The following ACADL variants were observed in gnomAD, a reference collection of about 807,000 sequenced individuals.
The protein encoded by ACADL is acyl-CoA dehydrogenase long chain, also known as long-chain specific acyl-CoA dehydrogenase, mitochondrial.
A neutral mutation model predicts 56.9 loss-of-function variants in ACADL; 60 were observed. The ratio of observed to expected loss-of-function variants is 1.05; its 90% confidence interval spans 0.86 to 1.31. The LOEUF (loss-of-function observed/expected upper bound fraction) is 1.31. Among genes scored for constraint, ACADL ranks in the 50% most tolerant of loss-of-function variants. The probability of loss-of-function intolerance (pLI) is 0.00; values close to 1 mark genes in which losing one functional copy is unlikely to be tolerated. For missense variants in ACADL, 484 were observed against 525.5 expected, an observed-to-expected ratio of 0.92 and a Z score of 0.77; for synonymous variants, 158 against 179.7, an observed-to-expected ratio of 0.88 and a Z score of 0.97.
chr2:210,215,698 A>T (rs1689074630), intron 4 of ACADL, among the ~76,000 whole-genome samples: 1 of 152,132 alleles, frequency 6.6e-6, no homozygotes, highest in African/African-American at 2.4e-5. Context: ...TAGCATTCAC[A>T]TCTAAATTCG....
intron 5 of ACADL, among the ~76,000 whole-genome samples, chr2:210,208,209 A>C (rs907727075): frequency 1.3e-5 from 2 of 152,260 alleles, no homozygotes; most frequent in African/African-American, 2.4e-5. Context: ...TACAGATAAT[A>C]AATAAACAAT....
chr2:210,223,171 A>G (rs1234590178), intron 1 of ACADL, among the ~76,000 whole-genome samples: 1 of 152,232 alleles, frequency 6.6e-6, no homozygotes, highest in Non-Finnish European at 1.5e-5. Flanking sequence ...AAAGACTTTC[A>G]GGTCAGTCAA....
Position 210,225,353 on chromosome 2 carries a change from G to C in ACADL, c.-90C>G. The C allele has an allele frequency of 1.4e-6, 2 of 1,405,900 alleles. No individual in the cohort carries two copies. The highest frequency in any genetic ancestry group is 1.9e-6 in the Non-Finnish European group (2 of 1,037,842). The allele number at this position is 1,405,900 out of a possible 1,614,324, so 87.1% of individuals were successfully genotyped here. Reference sequence around the variant, plus strand: ...GGGTCCCCGGGAGGGAGGACGATCAGCTGAGGCGTCCACCTGTGGTGTCCT... The same window carrying C: ...GGGTCCCCGGGAGGGAGGACGATCACCTGAGGCGTCCACCTGTGGTGTCCT... On this transcript the variant is annotated 5_prime_UTR_variant, in exon 1 of 11. Coordinates refer to ENST00000233710, the MANE Select transcript of ACADL (RefSeq NM_001608.4).
chr2:210,190,005 C>T (rs367985426), intron 10 of ACADL, among the ~76,000 whole-genome samples: 9 of 152,152 alleles, frequency 5.9e-5, no homozygotes, highest in African/African-American at 1.7e-4. Context: ...TTTGGACTTT[C>T]CTGGTAGACA....
chr2:210,204,867 T>C (rs1688858384), intron 6 of ACADL, among the ~76,000 whole-genome samples, 185 bp from the exon 7 acceptor site: 1 of 152,216 alleles, frequency 6.6e-6, no homozygotes, highest in African/African-American at 2.4e-5. Context: ...GCCATCTGAT[T>C]CTAAACCTTG....
intron 10 of ACADL, among the ~76,000 whole-genome samples, 165 bp downstream of exon 10, chr2:210,192,638 TA>T (rs202025002): frequency 2.6e-5 from 4 of 151,536 alleles, no homozygotes; most frequent in Middle Eastern, 3.4e-3. Flanking sequence ...AGGGAGTTGA[TA>T]AAAAAAAAGC....
At position 210,188,746 on chromosome 2, in the gene ACADL, CTG is replaced by C. The variant is rs989887263; in HGVS notation, c.*213_*214del. ...CGTTTACCTTTGGCTACATAAAAAA[CTG>C]TAAGTTAAACCTTATATTGGAAAAC... On this transcript the variant is annotated 3_prime_UTR_variant, in exon 11 of 11. Coordinates refer to ENST00000233710, the MANE Select transcript of ACADL (RefSeq NM_001608.4). 38 of 472,458 alleles carry C rather than the reference CTG, an allele frequency of 8.0e-5. No homozygotes were observed. The highest frequency in any genetic ancestry group is 1.4e-4 in the Non-Finnish European group (37 of 263,622). The allele number at this position is 472,458 out of a possible 1,614,324, so 29.3% of individuals were successfully genotyped here.
At chr2:210,199,917 G>C (rs980795053) in intron 8 of ACADL, among the ~76,000 whole-genome samples, 1 of 151,910 alleles carries the variant, frequency 6.6e-6, no homozygotes, top group African/African-American at 2.4e-5. Flanking sequence ...GCTAATTTTT[G>C]TATTTTTTGT....
chr2:210,221,246 A>G (rs1254120981), intron 1 of ACADL, among the ~76,000 whole-genome samples: 1 of 152,228 alleles, frequency 6.6e-6, no homozygotes, highest in African/African-American at 2.4e-5. Flanking sequence ...CACAATTTCA[A>G]ATTGCAGGTG....
At chr2:210,199,919 A>AT (rs1438258287) in intron 8 of ACADL, among the ~76,000 whole-genome samples, 1 of 151,896 alleles carries the variant, frequency 6.6e-6, no homozygotes, top group African/African-American at 2.4e-5. Flanking sequence ...TAATTTTTGT[A>AT]TTTTTTGTAG....
At chr2:210,199,300 A>G (rs1453907638) in intron 8 of ACADL, among the ~76,000 whole-genome samples, 3 of 152,160 alleles carry the variant, frequency 2.0e-5, no homozygotes, top group Admixed American at 2.0e-4. Flanking sequence ...CAGAACATAT[A>G]AACTTACTTG....
intron 1 of ACADL, chr2:210,224,895 T>G: frequency 1.6e-6 from 2 of 1,229,780 alleles, no homozygotes; most frequent in East Asian, 4.6e-5. Context: ...ACGGGTTGGA[T>G]TGGGGCTCCG....
chr2:210,204,755 G>C, intron 6 of ACADL, 73 bp from the exon 7 acceptor site: 1 of 1,230,172 alleles, frequency 8.1e-7, no homozygotes, highest in Non-Finnish European at 1.2e-6. Flanking sequence ...ATATTGAAGT[G>C]AATATTATTT....
chr2:210,204,287 T>C (rs1509568), intron 7 of ACADL, among the ~76,000 whole-genome samples: 125,521 of 152,192 alleles, frequency 0.82, 53,304 homozygotes, highest in East Asian at 0.99. Context: ...GCTAAAAGTT[T>C]TTGAATTGTA....
At position 210,224,147 on chromosome 2, in the gene ACADL, G is replaced by A. The variant is rs181251669; in HGVS notation, c.77+1040C>T. Among the ~76,000 whole-genome samples, 143 of 151,106 alleles carry A rather than the reference G, an allele frequency of 9.5e-4. 1 individual carries two copies. Among genetic ancestry groups the A allele is most frequent in the Non-Finnish European group, 2.7e-4 (18 of 67,758 alleles). On this transcript the variant is annotated intron_variant, in intron 1 of 10. Transcript: ENST00000233710. ...TGAGGCAGGAGAATTGCTTGAACAC[G>A]GGAGGCGGAGGTTGCAGCAGTGAGC...
Position 210,195,330 on chromosome 2 carries a change from T to C in ACADL, c.993A>G (p.Gln331=), listed in dbSNP as rs1688692371. 2 of 1,611,954 alleles carry C rather than the reference T, an allele frequency of 1.2e-6. No homozygotes were observed. Among genetic ancestry groups the C allele is most frequent in the Admixed American group, 1.7e-5 (1 of 59,918 alleles). The change falls in exon 9 of 11, where the codon CAA becomes CAG. Residue 331 remains glutamine, a synonymous_variant. Transcript: ENST00000233710. ...GTGTTTTTAATTCTGCTAATTTATG[T>C]TGCACTGTCTTGAATTTAAAGGAAA... is the stretch of plus-strand genomic sequence containing the variant. ...GKTVAHLQTV[Q]HKLAELKTHI...
intron 8 of ACADL, among the ~76,000 whole-genome samples, chr2:210,200,216 C>T (rs1373700847): frequency 2.0e-5 from 3 of 152,078 alleles, no homozygotes; most frequent in African/African-American, 4.8e-5. Flanking sequence ...TAGAGTTACA[C>T]CCATCAAATT....
chr2:210,224,641 A>G, intron 1 of ACADL: 4 of 985,572 alleles, frequency 4.1e-6, no homozygotes, highest in Non-Finnish European at 4.8e-6. Context: ...GTTTGATGGA[A>G]CCCTCGCCAG....
At chr2:210,220,493 C>A (rs1204240811) in intron 2 of ACADL, among the ~76,000 whole-genome samples, 154 bp downstream of exon 2, 2 of 152,092 alleles carry the variant, frequency 1.3e-5, no homozygotes, top group African/African-American at 2.4e-5. Context: ...CTCTAAGAAT[C>A]CTGGGATCTT....
Sources: gnomAD v4.1 joint callset for allele counts (sites outside exome capture counted in the v4.1 genomes callset) on GRCh38, gnomAD v4.1.1 for gene constraint, MANE v1.5 for transcripts, NCBI Gene and HGNC (gene_info 2026-07-23, HGNC 2026-07-21) for gene names.